DOCK8: variants seen among roughly 807,000 people sequenced by gnomAD.
DOCK8 encodes dedicator of cytokinesis protein 8.
Under a neutral mutation model 245.6 loss-of-function variants are expected in DOCK8, and 141 were observed. The ratio of observed to expected loss-of-function variants is 0.57; its 90% CI spans 0.50 to 0.66. The LOEUF is 0.66. DOCK8 is among the 30% of genes least tolerant of loss of function. The probability of loss-of-function intolerance (pLI) is 0.00; values close to 1 mark genes in which losing one functional copy is unlikely to be tolerated. For synonymous variants in DOCK8, 1,168 were observed against 970.2 expected (o/e 1.20, Z -3.79); for missense variants, 2,965 against 2,603.4 (o/e 1.14, Z -3.02).
chr9:215,484 A>C, intron 1 of DOCK8: 4 of 1,470,454 alleles, frequency 2.7e-6, no homozygotes, highest in Non-Finnish European at 3.6e-6. Flanking sequence ...GCAGGCTGCA[A>C]GCCTTCTGTC....
upstream of DOCK8, chr9:214,719 C>A: frequency 6.5e-7 from 1 of 1,538,406 alleles, no homozygotes; most frequent in Non-Finnish European, 8.7e-7. Context: ...AGGCCAGTTC[C>A]GCGCTGGGCC....
Position 464,644 on chromosome 9 carries a change from A to C in DOCK8, c.*425A>C, listed in dbSNP as rs1272877472. ...CACCAGTCGATTCAAACTGAATTTC[A>C]CTCTTTATAGGAAGGCAGGGCAAAC... On this transcript the variant is annotated 3_prime_UTR_variant, in exon 48 of 48. Coordinates refer to ENST00000432829, the MANE Select transcript of DOCK8 (RefSeq NM_203447.4). 4.3e-6 allele frequency: 1 copy of C among 234,176 alleles called. No homozygotes were observed. The highest frequency in any genetic ancestry group is 2.3e-5 in the African/African-American group (1 of 44,064). 14.5% of individuals were successfully genotyped at this position (234,176 alleles called of 1,614,324 possible).
chr9:229,128 T>G (rs2047050244), intron 1 of DOCK8, among the ~76,000 whole-genome samples: 1 of 152,078 alleles, frequency 6.6e-6, no homozygotes, highest in African/African-American at 2.4e-5. Flanking sequence ...CTTCAAAGAG[T>G]AGGAGAATAG....
At chr9:273,663 C>T (rs961670305) in intron 2 of DOCK8, among the ~76,000 whole-genome samples, 4 of 151,048 alleles carry the variant, frequency 2.6e-5, no homozygotes, top group Admixed American at 6.6e-5. Flanking sequence ...GGCTTTAACC[C>T]TTTCTCTCCA....
At chr9:227,034 A>C (rs1010495085) in intron 1 of DOCK8, among the ~76,000 whole-genome samples, 1 of 152,236 alleles carries the variant, frequency 6.6e-6, no homozygotes, top group African/African-American at 2.4e-5. Context: ...AACCAGAAGG[A>C]CATACGCCAA....
chr9:251,210 C>T (rs766765184), intron 1 of DOCK8, among the ~76,000 whole-genome samples: 10 of 152,120 alleles, frequency 6.6e-5, no homozygotes, highest in Non-Finnish European at 1.0e-4. Flanking sequence ...CTTCACAGGG[C>T]TTCACTTTTA....
chr9:327,888 C>G, intron 8 of DOCK8, 134 bp from the exon 9 acceptor site: 1 of 829,498 alleles, frequency 1.2e-6, no homozygotes. Flanking sequence ...AGCCACTTTC[C>G]TAAACCACAT....
At position 399,203 on chromosome 9, in the gene DOCK8, C is replaced by G. The variant is rs2054616337; in HGVS notation, c.3178C>G (p.Leu1060Val). 6.2e-7 allele frequency: 1 copy of G among 1,614,082 alleles called. No homozygotes were observed. The highest frequency in any genetic ancestry group is 2.2e-5 in the East Asian group (1 of 44,884). ...CCTGGCTTTCTTCTTGTATGACCTT[C>G]TCTCCCTCATGGATCGGGGCTTTGT... ...ISLAFFLYDL[L>V]SLMDRGFVFN... Residue 1060 changes from leucine to valine, a missense_variant, in exon 26 of 48, where the codon CTC becomes GTC. Leu to Val is a conservative substitution (Grantham distance 32). This residue lies in a region of DOCK8 where 2,825 missense variants were observed against 2,453.5 expected (regional missense o/e 1.15). Coordinates refer to ENST00000432829, the MANE Select transcript of DOCK8 (RefSeq NM_203447.4).
At position 439,623 on chromosome 9, in the gene DOCK8, G is replaced by A. The variant is rs117072529; in HGVS notation, c.5223+235G>A. Among the ~76,000 whole-genome samples the A allele has an allele frequency of 5.2e-3, 793 of 152,340 alleles. 6 individuals are homozygous for A. The highest frequency in any genetic ancestry group is 7.3e-3 in the Non-Finnish European group (497 of 68,026). On this transcript the variant is annotated intron_variant, in intron 40 of 47. Coordinates refer to ENST00000432829, the MANE Select transcript of DOCK8 (RefSeq NM_203447.4). Reference sequence around the variant, plus strand: ...AGTGCCGATCTGAGCTTCACTGTATGCTCATTGGTTGGGCAGCAGTTTCAC... The same window carrying A: ...AGTGCCGATCTGAGCTTCACTGTATACTCATTGGTTGGGCAGCAGTTTCAC...
intron 4 of DOCK8, among the ~76,000 whole-genome samples, chr9:303,479 G>GT (rs1491498602): frequency 2.0e-5 from 3 of 151,884 alleles, no homozygotes; most frequent in Non-Finnish European, 4.4e-5. Flanking sequence ...AATCATGGGG[G>GT]TTTTTTTGCA....
chr9:449,973 G>A, intron 45 of DOCK8, 46 bp downstream of exon 45: 1 of 1,607,992 alleles, frequency 6.2e-7, no homozygotes, highest in Non-Finnish European at 8.5e-7. Flanking sequence ...TTATTATTTA[G>A]GTTGTCATTA....
intron 28 of DOCK8, among the ~76,000 whole-genome samples, chr9:408,229 G>T (rs1438142453): frequency 6.6e-6 from 1 of 152,218 alleles, no homozygotes; most frequent in Non-Finnish European, 1.5e-5. Flanking sequence ...GTTCCTGCAT[G>T]AAACAAATAC....
In DOCK8 at chr9:400,220, CCACCACCTCCACCAT is replaced by C. The variant is rs1389435687; in HGVS notation, c.3234+969_3234+983del. 3.4e-4 allele frequency among the ~76,000 whole-genome samples: 41 copies of C among 119,878 alleles called. 1 individual carries two copies. The highest frequency in any genetic ancestry group is 5.6e-4 in the South Asian group (2 of 3,568). 78.6% of individuals were successfully genotyped at this position (119,878 alleles called of 152,430 possible). A position where few individuals can be genotyped will look rare whatever the true frequency, so the allele number is the denominator to read the frequency against. ...ACCATCACCACCACCTCCACTATCA[CCACCACCTCCACCAT>C]CACCACCACCTCCACCATCACCACC... On this transcript the variant is annotated intron_variant, in intron 26 of 47. Coordinates refer to ENST00000432829, the MANE Select transcript of DOCK8 (RefSeq NM_203447.4).
intron 23 of DOCK8, among the ~76,000 whole-genome samples, chr9:386,688 C>G (rs1432511673): frequency 1.3e-5 from 2 of 152,222 alleles, no homozygotes; most frequent in African/African-American, 2.4e-5. Context: ...TCGCTGGACC[C>G]TACCTCCTGA....
In DOCK8 at chr9:363,816, C is replaced by A. The variant is rs553699777; in HGVS notation, c.1680-4202C>A. ...GAGCAACCCCTTTGGAAGCAACATGCAAAATTGCTGAGCAGTGGTGGGGGT... is the reference window on the plus strand; with the variant it reads ...GAGCAACCCCTTTGGAAGCAACATGAAAAATTGCTGAGCAGTGGTGGGGGT... On this transcript the variant is annotated intron_variant, in intron 14 of 47. Transcript: ENST00000432829. Among the ~76,000 whole-genome samples the A allele has an allele frequency of 1.1e-4, 17 of 152,210 alleles. 1 individual carries two copies. The highest frequency in any genetic ancestry group is 4.1e-4 in the African/African-American group (17 of 41,526).
At chr9:416,821 C>T (rs1486835543) in intron 29 of DOCK8, among the ~76,000 whole-genome samples, 1 of 152,196 alleles carries the variant, frequency 6.6e-6, no homozygotes, top group African/African-American at 2.4e-5. Context: ...GCATTTTGCA[C>T]AGCACATGTT....
chr9:303,384 C>T (rs187717997), intron 4 of DOCK8, among the ~76,000 whole-genome samples: 15 of 152,276 alleles, frequency 9.9e-5, no homozygotes, highest in Admixed American at 2.6e-4. Flanking sequence ...TGGAATCAAC[C>T]TAGATGCCCA....
At chr9:216,356 C>T (rs1199911760) in intron 1 of DOCK8, among the ~76,000 whole-genome samples, 1 of 151,652 alleles carries the variant, frequency 6.6e-6, no homozygotes, top group African/African-American at 2.4e-5. Flanking sequence ...TAGTGGGACC[C>T]CTGTGGCTAC....
At position 386,426 on chromosome 9, in the gene DOCK8, G is replaced by A. The variant is rs201366829; in HGVS notation, c.2874G>A (p.Lys958=). ...CAGCCCCAAGGCCAGCCAGCAAAAA[G>A]GTACTGAAGAGAGCAATGTGAGGTT... ...SPAAPRPASK[K]HFHEELALQM... The change falls in exon 23 of 48, where the codon AAG becomes AAA. Residue 958 remains lysine (K), a splice_region_variant and synonymous_variant. Transcript: ENST00000432829. 57 of 1,612,752 alleles carry A rather than the reference G, an allele frequency of 3.5e-5. No homozygotes were observed. The highest frequency in any genetic ancestry group is 4.7e-5 in the Non-Finnish European group (56 of 1,179,180).
Sources: allele counts gnomAD v4.1 joint callset (sites outside exome capture counted in the v4.1 genomes callset), GRCh38; gene constraint gnomAD v4.1.1; regional missense constraint gnomAD v4.1.1; transcripts MANE v1.5; gene names NCBI Gene and HGNC (gene_info 2026-07-23, HGNC 2026-07-21).